Variants in PLD5 observed in about 807,000 individuals in gnomAD.
PLD5 encodes the protein inactive phospholipase D5.
PLD5 carries 36 observed loss-of-function variants against 61.1 expected under a neutral mutation model. The ratio of observed to expected loss-of-function variants is 0.59; its 90% CI spans 0.45 to 0.78. PLD5 has a LOEUF of 0.78. PLD5 is among the 30% of genes least tolerant of loss of function. The pLI is 0.00. For synonymous variants in PLD5, 243 were observed against 242.8 expected (o/e 1.00, Z -0.01); for missense variants, 515 against 644.4 (o/e 0.80, Z 2.17).
intron 1 of PLD5, among the ~76,000 whole-genome samples, chr1:242,471,820 T>C (rs1456896903): frequency 6.6e-6 from 1 of 152,230 alleles, no homozygotes; most frequent in Non-Finnish European, 1.5e-5. Flanking sequence ...GTTTGTTACA[T>C]AATGAGCTGG....
intron 5 of PLD5, among the ~76,000 whole-genome samples, chr1:242,200,421 G>A (rs572070874): frequency 4.6e-5 from 7 of 152,290 alleles, no homozygotes; most frequent in South Asian, 2.1e-4. Context: ...AGTCTGCTCC[G>A]ATGAGTAAAA....
chr1:242,090,946 T>G (rs1410094022), intron 9 of PLD5, among the ~76,000 whole-genome samples: 1 of 151,856 alleles, frequency 6.6e-6, no homozygotes, highest in Non-Finnish European at 1.5e-5. Context: ...AGAGATGGGG[T>G]CTTGCTGTGT....
intron 1 of PLD5, among the ~76,000 whole-genome samples, chr1:242,482,997 C>T (rs1667834700): frequency 1.3e-5 from 2 of 152,164 alleles, no homozygotes; most frequent in Admixed American, 6.5e-5. Context: ...ACTTTACAGA[C>T]AAGCAAATGC....
At chr1:242,255,071 G>A (rs1672939293) in intron 4 of PLD5, among the ~76,000 whole-genome samples, 1 of 152,024 alleles carries the variant, frequency 6.6e-6, no homozygotes, top group African/African-American at 2.4e-5. Flanking sequence ...TGACCGTTGG[G>A]GCACCCTGAC....
intron 1 of PLD5, among the ~76,000 whole-genome samples, chr1:242,467,353 C>T (rs1177326440): frequency 6.6e-6 from 1 of 152,076 alleles, no homozygotes; most frequent in African/African-American, 2.4e-5. Context: ...CTTGTCAATT[C>T]TGGATATCTT....
At chr1:242,527,328 G>T (rs921855608), upstream of PLD5, among the ~76,000 whole-genome samples, 3 of 151,774 alleles carry the variant, frequency 2.0e-5, no homozygotes, top group Non-Finnish European at 4.4e-5. Context: ...TAAAGGCAGG[G>T]TTTCACCATG....
intron 2 of PLD5, among the ~76,000 whole-genome samples, chr1:242,332,628 A>C (rs1041948354): frequency 6.6e-6 from 1 of 152,192 alleles, no homozygotes; most frequent in African/African-American, 2.4e-5. Context: ...CATTTCTCTA[A>C]TGACCAGTGC....
At chr1:242,484,214 C>G (rs1302432829) in intron 1 of PLD5, among the ~76,000 whole-genome samples, 1 of 152,044 alleles carries the variant, frequency 6.6e-6, no homozygotes, top group Admixed American at 6.6e-5. Flanking sequence ...AAGATCAGAG[C>G]AGAACTAAAG....
chr1:242,347,651 C>T (rs537257911), intron 2 of PLD5, among the ~76,000 whole-genome samples: 2 of 152,316 alleles, frequency 1.3e-5, no homozygotes, highest in African/African-American at 4.8e-5. Context: ...TGGGACAGGT[C>T]GAGGAGCCCT....
intron 5 of PLD5, among the ~76,000 whole-genome samples, chr1:242,207,860 T>TTTA (rs1314886831): frequency 5.0e-4 from 7 of 14,006 alleles, no homozygotes; most frequent in African/African-American, 2.5e-3. Flanking sequence ...ATTTATATAT[T>TTTA]TATATATTTA....
At chr1:242,522,963 T>A (rs1027451636) in intron 1 of PLD5, among the ~76,000 whole-genome samples, 6 of 152,136 alleles carry the variant, frequency 3.9e-5, no homozygotes, top group African/African-American at 1.4e-4. Context: ...CAGATTATTA[T>A]AATAGAGAAA....
intron 6 of PLD5, among the ~76,000 whole-genome samples, chr1:242,123,770 T>C (rs1429801469): frequency 3.9e-5 from 6 of 152,254 alleles, no homozygotes; most frequent in Non-Finnish European, 8.8e-5. Context: ...GTTTGAGGAC[T>C]AGGACTGTAG....
At position 242,421,052 on chromosome 1, in the gene PLD5, C is replaced by T. The variant is rs376283368; in HGVS notation, c.190-72810G>A. Among the ~76,000 whole-genome samples, 8 of 151,616 alleles carry T rather than the reference C, an allele frequency of 5.3e-5. No individual in the cohort carries two copies. In the East Asian group the frequency reaches 9.8e-4, roughly 18 times the overall value. On this transcript the variant is annotated intron_variant, in intron 1 of 9. Coordinates refer to ENST00000536534, the MANE Select transcript of PLD5 (RefSeq NM_001372062.1). ...AAAATTAGCCGGGCGTGGTGGCACG[C>T]GCCTGTAGTCCCAGCTACTCGGGAG...
chr1:242,099,562 C>CAGTG (rs1001546572), intron 9 of PLD5, among the ~76,000 whole-genome samples: 39 of 152,298 alleles, frequency 2.6e-4, no homozygotes, highest in African/African-American at 9.1e-4. Context: ...GGGCGGGAGG[C>CAGTG]AGTGGGTGAG....
chr1:242,507,130 A>G (rs921698654), intron 1 of PLD5, among the ~76,000 whole-genome samples: 4 of 152,212 alleles, frequency 2.6e-5, no homozygotes, highest in Admixed American at 6.5e-5. Flanking sequence ...TAGCAAAACT[A>G]ATGCCTAGAA....
intron 7 of PLD5, among the ~76,000 whole-genome samples, chr1:242,110,359 G>A (rs1344922788): frequency 6.6e-6 from 1 of 151,884 alleles, no homozygotes; most frequent in African/African-American, 2.4e-5. Context: ...ATGTACCTCA[G>A]GTACATTCAA....
intron 1 of PLD5, among the ~76,000 whole-genome samples, chr1:242,407,252 G>A (rs1664281875): frequency 6.7e-6 from 1 of 148,412 alleles, no homozygotes; most frequent in African/African-American, 2.5e-5. Context: ...ACGATGGTGA[G>A]GCCTCCCCTC....
At chr1:242,509,882 A>G (rs1324917183) in intron 1 of PLD5, among the ~76,000 whole-genome samples, 3 of 152,182 alleles carry the variant, frequency 2.0e-5, no homozygotes, top group African/African-American at 4.8e-5. Context: ...GAGAAAAAGC[A>G]TCTTGAAATG....
intron 1 of PLD5, among the ~76,000 whole-genome samples, chr1:242,374,967 G>A (rs914153273): frequency 1.3e-5 from 2 of 152,122 alleles, no homozygotes; most frequent in Admixed American, 6.6e-5. Context: ...CAAGGGCCTT[G>A]GCCCCTACAG....
Sources: gnomAD v4.1 joint callset for allele counts (sites outside exome capture counted in the v4.1 genomes callset) on GRCh38, gnomAD v4.1.1 for gene constraint, MANE v1.5 for transcripts, NCBI Gene and HGNC (gene_info 2026-07-23, HGNC 2026-07-21) for gene names.